Variants in ZZEF1 observed in about 807,000 individuals in gnomAD.
ZZEF1 encodes the protein zinc finger ZZ-type and EF-hand domain containing 1, also known as zinc finger ZZ-type and EF-hand domain-containing protein 1.
ZZEF1 carries 157 observed loss-of-function variants against 342.8 expected under a neutral mutation model. The ratio of observed to expected loss-of-function variants is 0.46; its 90% confidence interval spans 0.40 to 0.52. The LOEUF (loss-of-function observed/expected upper bound fraction) is 0.52, where lower values mean the gene tolerates loss of function less well. Ranked by LOEUF, ZZEF1 falls within the 20% of genes least tolerant of loss-of-function variation. The pLI is 0.00. For synonymous variants in ZZEF1, 1,505 were observed against 1,429.1 expected (o/e 1.05, Z -1.20); for missense variants, 3,480 against 3,725.6 (o/e 0.93, Z 1.72).
At chr17:4,130,341 T>C (rs942898613) in intron 1 of ZZEF1, among the ~76,000 whole-genome samples, 3 of 152,048 alleles carry the variant, frequency 2.0e-5, no homozygotes, top group Non-Finnish European at 4.4e-5. Flanking sequence ...TAGTCCCAGC[T>C]ACTAGGGAGG....
intron 19 of ZZEF1, 40 bp downstream of exon 19, chr17:4,077,843 A>C (rs966620997): frequency 6.2e-7 from 1 of 1,604,892 alleles, no homozygotes; most frequent in Non-Finnish European, 8.5e-7. Flanking sequence ...GTCAAAACCC[A>C]AACGCCATCT....
Position 4,016,861 on chromosome 17 carries a change from G to T in ZZEF1, c.8002-395C>A. 1 of 197,622 alleles carries T rather than the reference G, an allele frequency of 5.1e-6. No individual in the cohort carries two copies. The highest frequency in any genetic ancestry group is 1.0e-5 in the Non-Finnish European group (1 of 95,986). 12.2% of individuals were successfully genotyped at this position (197,622 alleles called of 1,614,324 possible). On this transcript the variant is annotated intron_variant, in intron 48 of 54. Transcript: ENST00000381638. This position sits in a 1 kb window ranked among gnomAD's most constrained non-coding sequence, Gnocchi z 4.4. ...GCTCTAGGTGGCAAGAACTGTGGGA[G>T]GACACGCCTATGCAAGGGCCTAGTA...
At chr17:4,113,307 T>C (rs1310084025) in intron 4 of ZZEF1, among the ~76,000 whole-genome samples, 3 of 152,188 alleles carry the variant, frequency 2.0e-5, no homozygotes, top group Non-Finnish European at 1.5e-5. Context: ...CACTGTTTAT[T>C]ATCATTAGCT....
At chr17:4,039,641 C>CTT (rs1166970366) in intron 39 of ZZEF1, among the ~76,000 whole-genome samples, 12,653 of 119,492 alleles carry the variant, frequency 0.11, 1,042 homozygotes, top group Non-Finnish European at 0.12. Context: ...AGAAAGAGAA[C>CTT]TTTTTTTTTT....
chr17:4,052,877 CG>C (rs1038827783), intron 34 of ZZEF1, among the ~76,000 whole-genome samples: 9 of 122,524 alleles, frequency 7.3e-5, no homozygotes, highest in Non-Finnish European at 1.1e-4. Flanking sequence ...GGGAGGGCGG[CG>C]GGGGAGAAAA....
chr17:4,135,104 CTATT>C (rs1043241133), intron 1 of ZZEF1, among the ~76,000 whole-genome samples: 6 of 152,142 alleles, frequency 3.9e-5, no homozygotes, highest in Non-Finnish European at 5.9e-5. Flanking sequence ...CCACTGGAGA[CTATT>C]AAGGGTGGAG....
At chr17:4,020,467 T>C (rs1462117259) in intron 45 of ZZEF1, among the ~76,000 whole-genome samples, 2 of 150,426 alleles carry the variant, frequency 1.3e-5, no homozygotes, top group African/African-American at 4.9e-5. Flanking sequence ...CTCAGCCTCC[T>C]GGGTAGCCAG....
chr17:4,075,149 C>T lies in ZZEF1; in HGVS notation c.3431G>A (p.Arg1144Lys). 6.2e-6 allele frequency: 10 copies of T among 1,614,230 alleles called. No homozygotes were observed. The highest frequency in any genetic ancestry group is 8.5e-6 in the Non-Finnish European group (10 of 1,180,046). ...TGTGTCATAGCGTGTTTTCCGACCT[C>T]TAGCGTCGGTAAATTCCAGATAATC... ...RYDYLEFTDA[R>K]GRKTRYDTKV... The change falls in exon 23 of 55, where the codon AGA becomes AAA. Residue 1144 changes from arginine (R) to lysine (K), a missense_variant. By Grantham distance (26) the Arg-to-Lys change is conservative (BLOSUM62 2). Coordinates refer to ENST00000381638, the MANE Select transcript of ZZEF1 (RefSeq NM_015113.4).
In ZZEF1 at chr17:4,014,250, T is replaced by C; in HGVS notation, c.8315-62A>G. ...AAGCAACAGGGAATGGCAGCAGTGG[T>C]GTTGGGTTTCAACATTCTCCAGTAA... is the stretch of plus-strand genomic sequence containing the variant. On this transcript the variant is annotated intron_variant, in intron 50 of 54. Transcript: ENST00000381638. This position sits in a 1 kb window ranked among gnomAD's most constrained non-coding sequence, Gnocchi z 4.4. 6.2e-7 allele frequency: 1 copy of C among 1,610,660 alleles called. No individual in the cohort carries two copies. The highest frequency in any genetic ancestry group is 8.5e-7 in the Non-Finnish European group (1 of 1,176,884).
chr17:4,068,460 T>C (rs181355663), intron 26 of ZZEF1, among the ~76,000 whole-genome samples: 69 of 152,302 alleles, frequency 4.5e-4, no homozygotes, highest in Non-Finnish European at 7.6e-4. Context: ...CAAATTTTTG[T>C]ATTTTTAGTA....
At chr17:4,141,283 G>A (rs576777096) in intron 1 of ZZEF1, among the ~76,000 whole-genome samples, 3 of 152,300 alleles carry the variant, frequency 2.0e-5, no homozygotes, top group Admixed American at 6.5e-5. Context: ...TACATTATCT[G>A]AATTCTGGCC....
chr17:4,109,299 TCCTATAGAAA>T (rs1403630157), intron 6 of ZZEF1, among the ~76,000 whole-genome samples: 1 of 152,070 alleles, frequency 6.6e-6, no homozygotes, highest in Non-Finnish European at 1.5e-5. Flanking sequence ...CAACATCAAA[TCCTATAGAAA>T]CATGAGCAAT....
Position 4,075,131 on chromosome 17 carries a change from T to C in ZZEF1, c.3449A>G (p.Tyr1150Cys), listed in dbSNP as rs774138848. 33 of 1,614,136 alleles carry C rather than the reference T, an allele frequency of 2.0e-5. 1 individual carries two copies. The highest frequency in any genetic ancestry group is 9.9e-5 in the South Asian group (9 of 91,092). Residue 1150 changes from tyrosine (Y) to cysteine (C), a missense_variant, in exon 23 of 55, where the codon TAT (tyrosine) becomes TGT (cysteine). Around this residue, in one of 5 missense-constraint regions of ZZEF1, gnomAD observed 1,528 missense variants for 1,624.1 expected, o/e 0.94. Coordinates refer to ENST00000381638, the MANE Select transcript of ZZEF1 (RefSeq NM_015113.4). ...FTDARGRKTRYDTKVGTDKWP... is the reference protein window; with the variant it reads ...FTDARGRKTRCDTKVGTDKWP... ...TTTATCAGTGCCAACTTTTGTGTCA[T>C]AGCGTGTTTTCCGACCTCTAGCGTC... is the stretch of plus-strand genomic sequence containing the variant.
At chr17:4,118,634 C>G (rs1303774587) in intron 2 of ZZEF1, among the ~76,000 whole-genome samples, 3 of 152,178 alleles carry the variant, frequency 2.0e-5, no homozygotes, top group African/African-American at 7.2e-5. Flanking sequence ...ATAAATGGGC[C>G]AGAGCAACAC....
chr17:4,127,195 T>C (rs949853479), intron 1 of ZZEF1, among the ~76,000 whole-genome samples: 3 of 151,650 alleles, frequency 2.0e-5, no homozygotes, highest in Non-Finnish European at 4.4e-5. Context: ...AGAGAGGGGG[T>C]CTCACACTTT....
At chr17:4,137,431 A>C (rs967513974) in intron 1 of ZZEF1, among the ~76,000 whole-genome samples, 2 of 152,102 alleles carry the variant, frequency 1.3e-5, no homozygotes, top group African/African-American at 2.4e-5. Context: ...TAACACGGTG[A>C]AACCCCGTCT....
intron 37 of ZZEF1, 98 bp from the exon 38 acceptor site, chr17:4,044,472 T>C: frequency 8.6e-7 from 1 of 1,169,338 alleles, no homozygotes; most frequent in Non-Finnish European, 1.2e-6. Flanking sequence ...CTTCATAGAC[T>C]AAAAAACTTT....
intron 18 of ZZEF1, among the ~76,000 whole-genome samples, chr17:4,079,099 C>CA (rs1230423745): frequency 6.6e-6 from 1 of 152,216 alleles, no homozygotes; most frequent in African/African-American, 2.4e-5. Context: ...TTCTCTTGGG[C>CA]AAAATGCTAT....
intron 42 of ZZEF1, among the ~76,000 whole-genome samples, chr17:4,026,435 C>G (rs2056404807): frequency 6.6e-6 from 1 of 151,138 alleles, no homozygotes; most frequent in Non-Finnish European, 1.5e-5. Context: ...AGAGACATTA[C>G]AAAAATGTAG....
Sources: gnomAD v4.1 joint callset for allele counts (sites outside exome capture counted in the v4.1 genomes callset) on GRCh38, gnomAD v4.1.1 for gene constraint, gnomAD v4.1.1 regional missense constraint, Gnocchi (gnomAD v3.1) non-coding constraint, MANE v1.5 for transcripts, NCBI Gene and HGNC (gene_info 2026-07-23, HGNC 2026-07-21) for gene names.